Variants in AOX1 observed in about 807,000 individuals in gnomAD.
AOX1 encodes aldehyde oxidase.
AOX1 carries 153 observed loss-of-function variants against 169.5 expected under a neutral mutation model. The observed-to-expected ratio is 0.90, with a 90% CI of 0.79 to 1.03. The LOEUF (loss-of-function observed/expected upper bound fraction) is 1.03, where lower values mean the gene tolerates loss of function less well. AOX1 is among the 50% of genes least tolerant of loss of function. AOX1 has a pLI of 0.00. For missense variants in AOX1, 1,656 were observed against 1,663.9 expected, an observed-to-expected ratio of 1.00 and a Z score of 0.08; for synonymous variants, 562 against 581.9, an observed-to-expected ratio of 0.97 and a Z score of 0.49.
At chr2:200,613,154 A>G (rs905622585) in intron 14 of AOX1, among the ~76,000 whole-genome samples, 3 of 152,138 alleles carry the variant, frequency 2.0e-5, no homozygotes, top group Non-Finnish European at 4.4e-5. Context: ...TCTATAATAA[A>G]TTGTTAAAGG....
intron 10 of AOX1, among the ~76,000 whole-genome samples, chr2:200,608,518 A>G (rs1398095112): frequency 6.6e-6 from 1 of 152,194 alleles, no homozygotes; most frequent in African/African-American, 2.4e-5. Context: ...AACTCTTGAC[A>G]ATGGCATATA....
intron 5 of AOX1, among the ~76,000 whole-genome samples, chr2:200,600,660 G>A (rs541180390): frequency 9.2e-5 from 14 of 152,252 alleles, no homozygotes; most frequent in Admixed American, 2.6e-4. Flanking sequence ...CTGCAAAAAT[G>A]TTCCAAGGAA....
rs1160759784 is a variant in AOX1 at position 200,657,188 on chromosome 2, ATATT to A, written c.3171+253_3171+256del. On this transcript the variant is annotated intron_variant, in intron 27 of 34. Coordinates refer to ENST00000374700, the MANE Select transcript of AOX1 (RefSeq NM_001159.4). ...AAAATATATATATATATATATATAT[ATATT>A]TTTTTTTTTTTTTAATTAGCAGGGC... 4.5e-4 allele frequency among the ~76,000 whole-genome samples: 31 copies of A among 68,580 alleles called. 3 individuals are homozygous for A. Among genetic ancestry groups the A allele is most frequent in the African/African-American group, 1.8e-3 (26 of 14,352 alleles). The allele number at this position is 68,580 out of a possible 152,430, so 45.0% of individuals were successfully genotyped here. A position where few individuals can be genotyped will look rare whatever the true frequency, so the allele number is the denominator to read the frequency against.
chr2:200,650,908 G>A (rs2035566240), intron 25 of AOX1, 66 bp from the exon 26 acceptor site: 1 of 1,448,704 alleles, frequency 6.9e-7, no homozygotes, highest in East Asian at 2.3e-5. Flanking sequence ...CCAGGAGGAT[G>A]GTGAATGGAT....
intron 26 of AOX1, 86 bp downstream of exon 26, chr2:200,651,287 A>G (rs546583186): frequency 6.0e-4 from 684 of 1,135,708 alleles, no homozygotes; most frequent in Non-Finnish European, 8.2e-4. Flanking sequence ...TCCTTAAGTC[A>G]TATTAGCCAT....
Position 200,621,216 on chromosome 2 carries a change from T to C in AOX1, c.1971T>C (p.Thr657=). The part of the protein sequence containing the change: ...LSDVNSFCFF[T]EAEKFLATDK... ...ACGTCAACTCCTTCTGCTTTTTTAC[T>C]GAAGCTGAGAAATTTCTGGCGACAG... The change falls in exon 18 of 35, where the codon ACT becomes ACC. Residue 657 remains threonine (T), a synonymous_variant. Transcript: ENST00000374700. 2 of 1,614,018 alleles carry C rather than the reference T, an allele frequency of 1.2e-6. No individual in the cohort carries two copies. The highest frequency in any genetic ancestry group is 1.7e-6 in the Non-Finnish European group (2 of 1,179,976).
chr2:200,617,481 C>CAAAA (rs35035526), intron 16 of AOX1, among the ~76,000 whole-genome samples: 61 of 58,136 alleles, frequency 1.0e-3, no homozygotes, highest in Non-Finnish European at 1.7e-3. Context: ...CAACTAACTG[C>CAAAA]AAAAAAAAAA....
intron 16 of AOX1, among the ~76,000 whole-genome samples, chr2:200,618,203 G>A (rs2034807933): frequency 6.6e-6 from 1 of 152,144 alleles, no homozygotes; most frequent in Non-Finnish European, 1.5e-5. Context: ...CTTTCTAGCT[G>A]ATAAAGTCAG....
At chr2:200,614,266 T>C (rs959222419) in intron 15 of AOX1, among the ~76,000 whole-genome samples, 12 of 152,212 alleles carry the variant, frequency 7.9e-5, no homozygotes, top group Admixed American at 5.9e-4. Flanking sequence ...GGGTATGTTT[T>C]CCCTCTGTAT....
intron 23 of AOX1, 92 bp downstream of exon 23, chr2:200,638,394 G>A: frequency 9.5e-7 from 1 of 1,053,180 alleles, no homozygotes; most frequent in South Asian, 1.3e-5. Context: ...CTCTAGTGGG[G>A]AGTAACAATG....
At chr2:200,598,986 G>A (rs2034346360) in intron 4 of AOX1, among the ~76,000 whole-genome samples, 1 of 152,030 alleles carries the variant, frequency 6.6e-6, no homozygotes, top group Non-Finnish European at 1.5e-5. Context: ...ATGCCCATGT[G>A]AGACCTGGTC....
chr2:200,657,191 T>TATATATATATATATATATTTTC (rs1491522418), intron 27 of AOX1, among the ~76,000 whole-genome samples: 1 of 45,508 alleles, frequency 2.2e-5, no homozygotes, highest in African/African-American at 8.4e-5. Flanking sequence ...TATATATATA[T>TATATATATATATATATATTTTC]TTTTTTTTTT....
At chr2:200,647,028 G>T (rs1054799828) in intron 25 of AOX1, among the ~76,000 whole-genome samples, 1 of 152,116 alleles carries the variant, frequency 6.6e-6, no homozygotes, top group African/African-American at 2.4e-5. Flanking sequence ...CTGTGGTTCT[G>T]TATCTTTTAA....
rs866541106 is a variant in AOX1, at chr2:200,595,369, G to A, written c.200+1G>A. 1.2e-6 allele frequency: 2 copies of A among 1,609,394 alleles called. No individual in the cohort carries two copies. The highest frequency in any genetic ancestry group is 2.2e-5 in the East Asian group (1 of 44,838). On this transcript the variant is annotated splice_donor_variant, in intron 3 of 34. Transcript: ENST00000374700. LOFTEE classifies it high-confidence loss of function. ...ACAACCCCATCACCAAGAGGATAAGGTACCGTGCAGCAAAGTCCAGATATG... is the reference window on the plus strand; with the variant it reads ...ACAACCCCATCACCAAGAGGATAAGATACCGTGCAGCAAAGTCCAGATATG...
At chr2:200,609,607 G>T (rs527764952) in intron 12 of AOX1, among the ~76,000 whole-genome samples, 193 bp downstream of exon 12, 2 of 152,070 alleles carry the variant, frequency 1.3e-5, no homozygotes, top group Non-Finnish European at 2.9e-5. Flanking sequence ...TGTCTTTCTG[G>T]TTTTTTGTTT....
At chr2:200,652,157 A>G (rs946990889) in intron 26 of AOX1, among the ~76,000 whole-genome samples, 5 of 152,152 alleles carry the variant, frequency 3.3e-5, no homozygotes, top group Admixed American at 6.5e-5. Context: ...GGCCAGGAAA[A>G]GTGGGTAGGA....
Position 200,663,572 on chromosome 2 carries a change from A to ACT in AOX1, c.3543+627_3543+628dup, listed in dbSNP as rs1226325589. On this transcript the variant is annotated intron_variant, in intron 31 of 34. Coordinates refer to ENST00000374700, the MANE Select transcript of AOX1 (RefSeq NM_001159.4). Reference sequence around the variant, plus strand: ...CACACACACACACACACACACACACACTCTCTCTCTCTCTCTCTCTCTCTC... The same window carrying ACT: ...CACACACACACACACACACACACACACTCTCTCTCTCTCTCTCTCTCTCTCTC... Among the ~76,000 whole-genome samples, 180 of 105,050 alleles carry ACT rather than the reference A, an allele frequency of 1.7e-3. 1 individual carries two copies. The highest frequency in any genetic ancestry group is 8.8e-3 in the Middle Eastern group (2 of 226). The allele number at this position is 105,050 out of a possible 152,430, so 68.9% of individuals were successfully genotyped here.
intron 12 of AOX1, among the ~76,000 whole-genome samples, chr2:200,610,628 T>C (rs1001706334): frequency 6.6e-6 from 1 of 152,176 alleles, no homozygotes; most frequent in African/African-American, 2.4e-5. Flanking sequence ...TTATTAAAGA[T>C]AATTTCTTAT....
chr2:200,647,137 T>G (rs1007607107), intron 25 of AOX1, among the ~76,000 whole-genome samples: 3 of 128,762 alleles, frequency 2.3e-5, no homozygotes, highest in African/African-American at 9.2e-5. Flanking sequence ...TTGTTTTTTA[T>G]TTTTTTGTTT....
Sources: gnomAD v4.1 joint callset for allele counts (sites outside exome capture counted in the v4.1 genomes callset) on GRCh38, gnomAD v4.1.1 for gene constraint, MANE v1.5 for transcripts, NCBI Gene and HGNC (gene_info 2026-07-23, HGNC 2026-07-21) for gene names.